ZNF420: variants seen among roughly 807,000 people sequenced by gnomAD.
ZNF420 encodes zinc finger protein 420.
In ZNF420, 31 loss-of-function variants were observed where a neutral mutation model predicts 44.7. The ratio of observed to expected loss-of-function variants is 0.69; its 90% confidence interval spans 0.52 to 0.94. The LOEUF (loss-of-function observed/expected upper bound fraction) is 0.94, where lower values mean the gene tolerates loss of function less well. Ranked by LOEUF, ZNF420 falls within the 40% of genes least tolerant of loss-of-function variation. ZNF420 has a pLI of 0.00. For synonymous variants in ZNF420, 245 were observed against 267.4 expected (o/e 0.92, Z 0.82); for missense variants, 681 against 827.9 (o/e 0.82, Z 2.18).
chr19:37,056,311 A>C (rs1370916337), intron 1 of ZNF420, among the ~76,000 whole-genome samples: 4 of 152,090 alleles, frequency 2.6e-5, no homozygotes, highest in Non-Finnish European at 5.9e-5. Flanking sequence ...CTATGCTTTT[A>C]TGTGGCGTTG....
intron 1 of ZNF420, chr19:37,008,218 CG>C (rs34655825): frequency 1.1e-3 from 330 of 294,274 alleles, no homozygotes; most frequent in South Asian, 1.9e-3. Context: ...CTGGGGCGGG[CG>C]GGGGGGGATG....
intron 1 of ZNF420, among the ~76,000 whole-genome samples, chr19:37,012,459 G>A (rs1346713577): frequency 2.0e-5 from 3 of 152,186 alleles, no homozygotes; most frequent in Non-Finnish European, 4.4e-5. Context: ...CTGAGGCTCC[G>A]GCCTGACCTC....
At chr19:37,093,032 G>A (rs1321979583) in intron 4 of ZNF420, 1 of 152,160 alleles carries the variant, frequency 6.6e-6, no homozygotes, top group Non-Finnish European at 1.5e-5. Flanking sequence ...ATAATAAAAA[G>A]AGATTTACTT....
chr19:37,056,559 G>C (rs1019306865), intron 1 of ZNF420, among the ~76,000 whole-genome samples: 3 of 152,180 alleles, frequency 2.0e-5, no homozygotes, highest in Non-Finnish European at 4.4e-5. Context: ...AGCAGGACAG[G>C]CCACTGGTCC....
chr19:37,041,167 T>TA (rs901401980), intron 1 of ZNF420, among the ~76,000 whole-genome samples: 4 of 151,626 alleles, frequency 2.6e-5, no homozygotes, highest in Non-Finnish European at 5.9e-5. Flanking sequence ...CTACTAAAAA[T>TA]AAAAAATTAG....
In ZNF420 at chr19:37,123,599, C is replaced by CTTTTTTTTTTTT. The variant is rs762782458; in HGVS notation, c.137-3517_137-3506dup. Among the ~76,000 whole-genome samples, 40 of 80,324 alleles carry CTTTTTTTTTTTT rather than the reference C, an allele frequency of 5.0e-4. 3 individuals carry two copies. The highest frequency in any genetic ancestry group is 1.1e-3 in the African/African-American group (19 of 17,266). 52.7% of individuals were successfully genotyped at this position (80,324 alleles called of 152,430 possible). A position where few individuals can be genotyped will look rare whatever the true frequency, so the allele number is the denominator to read the frequency against. On this transcript the variant is annotated intron_variant, in intron 4 of 4. Coordinates refer to ENST00000337995, the MANE Select transcript of ZNF420 (RefSeq NM_144689.5). ...CTTCTTTATTTTCTTTTACTCTTGT[C>CTTTTTTTTTTTT]TTTTTTTTTTTTTTTTTTTTTTTGA... is the stretch of plus-strand genomic sequence containing the variant.
chr19:37,009,217 TGGGCTG>T (rs56819097), intron 1 of ZNF420, among the ~76,000 whole-genome samples: 1,991 of 152,248 alleles, frequency 0.013, 47 homozygotes, highest in African/African-American at 0.045. Flanking sequence ...CCAAAGGGAC[TGGGCTG>T]GGGCTGGGTG....
At chr19:37,067,603 A>T (rs1053755032) in intron 1 of ZNF420, among the ~76,000 whole-genome samples, 3 of 152,232 alleles carry the variant, frequency 2.0e-5, no homozygotes, top group Admixed American at 6.5e-5. Context: ...ATCAACTTAT[A>T]ATTCTACATT....
rs762849825 is a variant in ZNF420, at chr19:37,128,816, C to T, written c.1825C>T (p.His609Tyr). The T allele has an allele frequency of 6.2e-7, 1 of 1,613,834 alleles. No individual in the cohort carries two copies. Among genetic ancestry groups the T allele is most frequent in the Non-Finnish European group, 8.5e-7 (1 of 1,179,962 alleles). ...TCAGCTTACTCTACATCAGAGAATC[C>T]ATACTGGTGAGAAGCCCTATGAATG... ...GSQLTLHQRI[H>Y]TGEKPYECRE... is the part of the protein sequence containing the mutation. The change falls in exon 5 of 5, where the codon CAT becomes TAT. Residue 609 changes from histidine to tyrosine, a missense_variant. Coordinates refer to ENST00000337995, the MANE Select transcript of ZNF420 (RefSeq NM_144689.5).
intron 4 of ZNF420, among the ~76,000 whole-genome samples, chr19:37,101,233 G>C (rs1456376247): frequency 2.0e-5 from 3 of 152,116 alleles, no homozygotes; most frequent in Non-Finnish European, 4.4e-5. Context: ...GGTATCTCAC[G>C]CCTGTAATCC....
At chr19:37,027,374 T>G (rs1967177620) in intron 1 of ZNF420, among the ~76,000 whole-genome samples, 1 of 152,198 alleles carries the variant, frequency 6.6e-6, no homozygotes, top group South Asian at 2.1e-4. Flanking sequence ...ACTTCCTCTA[T>G]TATCATCTTG....
At chr19:37,017,624 T>G (rs567507406) in intron 1 of ZNF420, among the ~76,000 whole-genome samples, 1 of 152,302 alleles carries the variant, frequency 6.6e-6, no homozygotes, top group African/African-American at 2.4e-5. Context: ...CATTCATGAT[T>G]TTTTAAAAAG....
chr19:37,047,441 A>C (rs79393306), intron 1 of ZNF420, among the ~76,000 whole-genome samples: 1 of 152,186 alleles, frequency 6.6e-6, no homozygotes. Context: ...CTCACCAGAC[A>C]CCAATCCTAG....
At chr19:37,112,465 G>A (rs1308513071) in intron 4 of ZNF420, among the ~76,000 whole-genome samples, 9 of 152,106 alleles carry the variant, frequency 5.9e-5, no homozygotes, top group Admixed American at 5.2e-4. Context: ...CAGTGCCTAC[G>A]CCGACAAGTC....
At chr19:37,125,598 G>C (rs1221462805) in intron 4 of ZNF420, among the ~76,000 whole-genome samples, 1 of 152,156 alleles carries the variant, frequency 6.6e-6, no homozygotes, top group Non-Finnish European at 1.5e-5. Context: ...GTCCTTATAA[G>C]TCAAAGTTTC....
intron 3 of ZNF420, 92 bp downstream of exon 3, chr19:37,089,219 C>G: frequency 9.2e-7 from 1 of 1,089,268 alleles, no homozygotes; most frequent in South Asian, 1.2e-5. Flanking sequence ...TCATTCCTAA[C>G]TGACCTCACT....
chr19:37,054,973 G>T (rs1326401768), intron 1 of ZNF420, among the ~76,000 whole-genome samples: 1 of 152,208 alleles, frequency 6.6e-6, no homozygotes, highest in Non-Finnish European at 1.5e-5. Context: ...TTGAAATTTA[G>T]TGGAGAGTGG....
intron 1 of ZNF420, among the ~76,000 whole-genome samples, chr19:37,072,411 A>G: frequency 6.6e-6 from 1 of 152,234 alleles, no homozygotes; most frequent in East Asian, 1.9e-4. Flanking sequence ...AATTCAGGCA[A>G]GCACACAGAA....
chr19:37,040,716 C>T (rs531440630), intron 1 of ZNF420, among the ~76,000 whole-genome samples: 104 of 152,218 alleles, frequency 6.8e-4, no homozygotes, highest in African/African-American at 2.4e-3. Flanking sequence ...TGTTACAACA[C>T]TGAGGTATAA....
Sources: allele counts gnomAD v4.1 joint callset (sites outside exome capture counted in the v4.1 genomes callset), GRCh38; gene constraint gnomAD v4.1.1; transcripts MANE v1.5; gene names NCBI Gene and HGNC (gene_info 2026-07-23, HGNC 2026-07-21).